Variants in CTIF observed in about 807,000 individuals in gnomAD.
CTIF encodes the protein CBP80/20-dependent translation initiation factor.
CTIF carries 21 observed loss-of-function variants against 66.0 expected under a neutral mutation model. The observed-to-expected ratio is 0.32, with a 90% CI of 0.23 to 0.46. CTIF has a LOEUF of 0.46. Ranked by LOEUF, CTIF falls within the 20% of genes least tolerant of loss-of-function variation. The probability of loss-of-function intolerance (pLI) is 1.00; values close to 1 mark genes in which losing one functional copy is unlikely to be tolerated. For missense variants in CTIF, 739 were observed against 812.7 expected, an observed-to-expected ratio of 0.91 and a Z score of 1.10; for synonymous variants, 345 against 326.4, an observed-to-expected ratio of 1.06 and a Z score of -0.62.
At chr18:48,543,318 A>C (rs891260863) in intron 1 of CTIF, among the ~76,000 whole-genome samples, 7 of 152,202 alleles carry the variant, frequency 4.6e-5, no homozygotes, top group African/African-American at 1.7e-4. Flanking sequence ...GCATTTCTGC[A>C]TAACTTACCT....
chr18:48,718,497 C>T (rs1487494890), intron 7 of CTIF, among the ~76,000 whole-genome samples: 1 of 152,142 alleles, frequency 6.6e-6, no homozygotes, highest in Non-Finnish European at 1.5e-5. Flanking sequence ...ATGAGGTTCC[C>T]AGCGTGACCG....
intron 6 of CTIF, among the ~76,000 whole-genome samples, chr18:48,698,181 C>T (rs922095305): frequency 7.9e-6 from 1 of 125,998 alleles, no homozygotes. Context: ...GAAGGGAGCA[C>T]TTGAAGGGAA....
Position 48,576,618 on chromosome 18 carries a change from TA to T in CTIF, c.-29+37308del, listed in dbSNP as rs1345551093. Among the ~76,000 whole-genome samples, 6 of 152,310 alleles carry T rather than the reference TA, an allele frequency of 3.9e-5. No homozygotes were observed. In the East Asian group the frequency reaches 1.2e-3, roughly 29 times the overall value. ...CAGATTCGCTGTGCCAGCCGGGGCG[TA>T]ACCGTTTAATTGCTGACACTAAGTC... is the stretch of plus-strand genomic sequence containing the variant. On this transcript the variant is annotated intron_variant, in intron 1 of 11. Coordinates refer to ENST00000256413, the MANE Select transcript of CTIF (RefSeq NM_014772.3).
intron 1 of CTIF, among the ~76,000 whole-genome samples, chr18:48,609,386 A>G (rs914859034): frequency 2.0e-5 from 3 of 152,248 alleles, no homozygotes; most frequent in South Asian, 2.1e-4. Flanking sequence ...GAGAGAATGC[A>G]GAAGACAGAG....
At chr18:48,602,366 A>T (rs2090105651) in intron 1 of CTIF, among the ~76,000 whole-genome samples, 1 of 152,256 alleles carries the variant, frequency 6.6e-6, no homozygotes, top group Non-Finnish European at 1.5e-5. Flanking sequence ...GAAAGGTGGA[A>T]GAAATTGCCA....
At chr18:48,843,337 G>A (rs990155966) in intron 10 of CTIF, among the ~76,000 whole-genome samples, 1 of 152,176 alleles carries the variant, frequency 6.6e-6, no homozygotes, top group Non-Finnish European at 1.5e-5. Flanking sequence ...CTCCAGCAGG[G>A]AGCTGTGCCC....
intron 10 of CTIF, among the ~76,000 whole-genome samples, chr18:48,833,403 T>C (rs921346671): frequency 6.6e-6 from 1 of 151,966 alleles, no homozygotes; most frequent in Non-Finnish European, 1.5e-5. Context: ...TGAGTACAGA[T>C]AGTGTGGGCT....
chr18:48,810,875 TTACTAC>T (rs1225700945), intron 9 of CTIF, among the ~76,000 whole-genome samples: 1 of 151,972 alleles, frequency 6.6e-6, no homozygotes, highest in East Asian at 1.9e-4. Flanking sequence ...TACTTCCCTT[TTACTAC>T]TACTTTATTT....
intron 7 of CTIF, among the ~76,000 whole-genome samples, chr18:48,720,038 G>A (rs2092317903): frequency 6.6e-6 from 1 of 152,166 alleles, no homozygotes; most frequent in South Asian, 2.1e-4. Context: ...AGGCTTGCAG[G>A]AACCAAACCC....
chr18:48,597,286 A>C (rs1413807808), intron 1 of CTIF, among the ~76,000 whole-genome samples: 13 of 152,222 alleles, frequency 8.5e-5, no homozygotes, highest in African/African-American at 3.1e-4. Context: ...GACTGGATAG[A>C]TGACCAGTCA....
At chr18:48,680,505 C>T (rs1007598063) in intron 6 of CTIF, among the ~76,000 whole-genome samples, 1 of 152,272 alleles carries the variant, frequency 6.6e-6, no homozygotes, top group East Asian at 1.9e-4. Context: ...GCCCGGTACA[C>T]AGTGAGCAGG....
intron 3 of CTIF, among the ~76,000 whole-genome samples, chr18:48,641,288 G>A (rs879844214): frequency 1.3e-5 from 2 of 152,232 alleles, no homozygotes; most frequent in Admixed American, 1.3e-4. Context: ...CTGCACAGGT[G>A]TGCCAAGAAC....
intron 5 of CTIF, among the ~76,000 whole-genome samples, chr18:48,667,826 A>G (rs74509958): frequency 0.032 from 4,799 of 152,268 alleles, 124 homozygotes; most frequent in South Asian, 0.1. Flanking sequence ...CCAGGTTCCC[A>G]GGGAGTCTGA....
rs540718566 is a variant in CTIF, at chr18:48,653,235, G to A, written c.253-10517G>A. On this transcript the variant is annotated intron_variant, in intron 3 of 11. Transcript: ENST00000256413. ...GATTGTATACTTAGAAAACCCCATC[G>A]TCTCAGCCCAAAATCTCCTTAAGCT... Among the ~76,000 whole-genome samples the A allele has an allele frequency of 1.8e-4, 27 of 152,276 alleles. No individual in the cohort carries two copies. In the South Asian group the frequency reaches 4.8e-3, roughly 27 times the overall value.
At chr18:48,611,610 T>C (rs1263891296) in intron 1 of CTIF, among the ~76,000 whole-genome samples, 1 of 152,250 alleles carries the variant, frequency 6.6e-6, no homozygotes, top group South Asian at 2.1e-4. Flanking sequence ...GGGAGCGTGT[T>C]AGGAATGCTG....
intron 9 of CTIF, among the ~76,000 whole-genome samples, chr18:48,793,794 T>C (rs1485300405): frequency 6.6e-6 from 1 of 152,094 alleles, no homozygotes; most frequent in African/African-American, 2.4e-5. Flanking sequence ...CCCACCCCAG[T>C]TTTATCCGAC....
intron 9 of CTIF, among the ~76,000 whole-genome samples, chr18:48,773,258 T>G (rs116357171): frequency 6.6e-6 from 1 of 152,198 alleles, no homozygotes; most frequent in Non-Finnish European, 1.5e-5. Context: ...GAAGACATGT[T>G]GATAGGTCAT....
chr18:48,687,961 C>T (rs1186079849), intron 6 of CTIF, among the ~76,000 whole-genome samples: 1 of 152,240 alleles, frequency 6.6e-6, no homozygotes, highest in Non-Finnish European at 1.5e-5. Context: ...CAACAATCCA[C>T]GCATTCTGCA....
chr18:48,759,630 C>T (rs1908759464), intron 8 of CTIF, among the ~76,000 whole-genome samples: 1 of 152,246 alleles, frequency 6.6e-6, no homozygotes, highest in South Asian at 2.1e-4. Flanking sequence ...CTCCCTGAGC[C>T]CCAGTTACTC....
Sources: allele counts gnomAD v4.1 joint callset (sites outside exome capture counted in the v4.1 genomes callset), GRCh38; gene constraint gnomAD v4.1.1; transcripts MANE v1.5; gene names NCBI Gene and HGNC (gene_info 2026-07-23, HGNC 2026-07-21).